Variants in NBPF10 observed in about 807,000 individuals in gnomAD.
NBPF10 encodes NBPF family member NBPF10.
Under a neutral mutation model 77.9 loss-of-function variants are expected in NBPF10, and 63 were observed. The observed-to-expected ratio is 0.81, with a 90% CI of 0.66 to 1.00. The LOEUF is 1.00. Ranked by LOEUF, NBPF10 falls within the 50% of genes least tolerant of loss-of-function variation. The pLI, the probability that NBPF10 is intolerant of heterozygous loss-of-function variation, is 0.00. For missense variants in NBPF10, 522 were observed against 679.8 expected (o/e 0.77, Z 2.58); for synonymous variants, 146 against 264.5 (o/e 0.55, Z 4.35).
At chr1:146,067,913 T>C (rs1307352028) in intron 88 of NBPF10, 90 bp downstream of exon 88, 2 of 706,930 alleles carry the variant, frequency 2.8e-6, no homozygotes, top group Non-Finnish European at 5.1e-6. Flanking sequence ...ATGACGTCTC[T>C]CGGGTCAGCA....
intron 87 of NBPF10, among the ~76,000 whole-genome samples, chr1:146,068,407 G>A (rs1553778794): frequency 5.6e-5 from 1 of 18,018 alleles, no homozygotes; most frequent in African/African-American, 2.9e-4. Context: ...TGAGATCAGC[G>A]AATTGGCCGG....
At chr1:146,121,911 T>C (rs1322573257) in intron 19 of NBPF10, among the ~76,000 whole-genome samples, 8,899 of 141,070 alleles carry the variant, frequency 0.063, 199 homozygotes, top group African/African-American at 0.23. Context: ...AGTGACCTAG[T>C]GAATTGGCCA....
intron 5 of NBPF10, among the ~76,000 whole-genome samples, chr1:146,139,279 T>G (rs1431526650): frequency 6.6e-6 from 1 of 151,206 alleles, no homozygotes; most frequent in Admixed American, 6.6e-5. Context: ...TTTTTTTTTT[T>G]TTTGTATTTT....
At position 146,126,346 on chromosome 1, in the gene NBPF10, C is replaced by T. The variant is rs782160303; in HGVS notation, c.1916G>A (p.Cys639Tyr). ...AAGACAACCTGAAGGAGTTGAATAA[C>T]ATCTATCCTGTGAGTCCTGCAAGAC... The change falls in exon 14 of 90, where the codon TGT becomes TAT. Residue 639 changes from cysteine (C) to tyrosine (Y), a missense_variant. By Grantham distance (194) the Cys-to-Tyr change is radical. This residue lies in a region of NBPF10 where 178 missense variants were observed against 77.7 expected (regional missense o/e 2.29). Transcript: ENST00000583866. The T allele has an allele frequency of 4.5e-5, 61 of 1,350,006 alleles. 1 individual carries two copies. In the African/African-American group the frequency reaches 7.7e-4, roughly 17 times the overall value. The allele number at this position is 1,350,006 out of a possible 1,614,324, so 83.6% of individuals were successfully genotyped here. A position where few individuals can be genotyped will look rare whatever the true frequency, so the allele number is the denominator to read the frequency against.
At chr1:146,066,342 C>G (rs587642846) in exon 90 of NBPF10, 1 of 1,060,120 alleles carries the variant, frequency 9.4e-7, no homozygotes, top group Non-Finnish European at 1.3e-6. Flanking sequence ...TGACTCCCAT[C>G]TGGAACACCA....
intron 88 of NBPF10, among the ~76,000 whole-genome samples, 179 bp downstream of exon 88, chr1:146,067,824 A>C (rs3010129): frequency 4.6e-5 from 7 of 151,522 alleles, no homozygotes; most frequent in African/African-American, 9.8e-5. Flanking sequence ...TGCTCACTGA[A>C]CCATTTCATG....
chr1:146,136,513 T>C (rs374988994), intron 6 of NBPF10, 58 bp from the exon 7 acceptor site: 94 of 1,480,912 alleles, frequency 6.3e-5, no homozygotes, highest in Middle Eastern at 2.3e-4. Context: ...GCTGTGGTCA[T>C]TGCCTACAGG....
At chr1:146,134,382 A>T (rs1254593589) in intron 8 of NBPF10, 117 bp from the exon 9 acceptor site, 1 of 799,340 alleles carries the variant, frequency 1.3e-6, no homozygotes. Flanking sequence ...TCAACTGAAA[A>T]CTCTCATGTT....
At chr1:146,090,475 C>CAG (rs782364727) in intron 59 of NBPF10, among the ~76,000 whole-genome samples, 3 of 6,334 alleles carry the variant, frequency 4.7e-4, no homozygotes, top group Non-Finnish European at 1.2e-3. Context: ...CACACACACA[C>CAG]AGAGAGAGAG....
intron 11 of NBPF10, among the ~76,000 whole-genome samples, chr1:146,128,901 CCTGA>C (rs1396921341): frequency 2.7e-5 from 4 of 149,522 alleles, no homozygotes; most frequent in Non-Finnish European, 5.9e-5. Context: ...AGCTGAGGGA[CCTGA>C]CTGTTAGAAG....
intron 7 of NBPF10, 83 bp downstream of exon 7, chr1:146,136,270 G>T: frequency 3.3e-6 from 3 of 904,210 alleles, no homozygotes; most frequent in East Asian, 2.4e-5. Flanking sequence ...GCCCAGCTTA[G>T]CTCTTACGTC....
exon 3 of NBPF10, chr1:146,141,737 G>A (rs1553797424): frequency 3.0e-6 from 4 of 1,318,744 alleles, no homozygotes; most frequent in Middle Eastern, 2.4e-4. Context: ...ACAATGAGCG[G>A]GAGGCATCTC....
At chr1:146,066,313 G>A (rs782009628) in exon 90 of NBPF10, 1 of 720,506 alleles carries the variant, frequency 1.4e-6, no homozygotes, top group Non-Finnish European at 2.1e-6. Context: ...ATTACTAAGG[G>A]CTGCTTATTG....
At position 146,141,796 on chromosome 1, in the gene NBPF10, A is replaced by C. The variant is rs587724347; in HGVS notation, c.301T>G (p.Ser101Ala). 2.5e-5 allele frequency: 34 copies of C among 1,342,100 alleles called. 10 individuals carry two copies. The South Asian group carries it at 3.5e-4, about 14-fold the overall frequency. 83.1% of individuals were successfully genotyped at this position (1,342,100 alleles called of 1,614,324 possible). A position where few individuals can be genotyped will look rare whatever the true frequency, so the allele number is the denominator to read the frequency against. ...AGCTGGGTCAGCTCTCGTTCCTGAG[A>C]GTGAACTAGGACTTTATATTGCCTA... The change falls in exon 3 of 90, where the codon TCT becomes GCT. Residue 101 changes from serine to alanine, a missense_variant. By Grantham distance (99) the Ser-to-Ala change is moderately conservative. This residue lies in a region of NBPF10 where 71 missense variants were observed against 114.9 expected (regional missense o/e 0.62). Transcript: ENST00000583866.
At chr1:146,126,153 C>A (rs1298976408) in intron 14 of NBPF10, 83 bp downstream of exon 14, 28 of 884,858 alleles carry the variant, frequency 3.2e-5, no homozygotes, top group Non-Finnish European at 3.8e-6. Context: ...TCTCTCAGCT[C>A]AGTAACGGCC....
intron 88 of NBPF10, among the ~76,000 whole-genome samples, 155 bp downstream of exon 88, chr1:146,067,848 C>A (rs1424424613): frequency 1.3e-5 from 2 of 151,804 alleles, no homozygotes; most frequent in Non-Finnish European, 2.9e-5. Flanking sequence ...AGGCTTCCAG[C>A]TGAGACTACA....
chr1:146,109,423 T>C (rs1657370733), intron 35 of NBPF10, among the ~76,000 whole-genome samples: 1 of 24,912 alleles, frequency 4.0e-5, no homozygotes, highest in East Asian at 1.5e-3. Flanking sequence ...CACTCTGAGT[T>C]AGTGCCCTCA....
intron 13 of NBPF10, among the ~76,000 whole-genome samples, chr1:146,126,699 T>C (rs1658740625): frequency 6.8e-6 from 1 of 146,730 alleles, no homozygotes; most frequent in African/African-American, 2.5e-5. Context: ...ACTCTGTATT[T>C]GTGCTCTCAG....
chr1:146,065,928 T>C, exon 90 of NBPF10: 1 of 110,634 alleles, frequency 9.0e-6, no homozygotes, highest in Non-Finnish European at 1.9e-5. Context: ...GTTAGGTTCA[T>C]TGAAACCAGG....
Sources: gnomAD v4.1 joint callset for allele counts (sites outside exome capture counted in the v4.1 genomes callset) on GRCh38, gnomAD v4.1.1 for gene constraint, gnomAD v4.1.1 regional missense constraint, MANE v1.5 for transcripts, NCBI Gene and HGNC (gene_info 2026-07-23, HGNC 2026-07-21) for gene names.